The following ADAMTS17 variants were observed in gnomAD, a reference collection of about 807,000 sequenced individuals.
ADAMTS17 encodes the protein ADAM metallopeptidase with thrombospondin type 1 motif 17, also known as A disintegrin and metalloproteinase with thrombospondin motifs 17.
In ADAMTS17, 113 loss-of-function variants were observed where a neutral mutation model predicts 141.5. The observed-to-expected ratio is 0.80, with a 90% confidence interval of 0.69 to 0.93. The LOEUF is 0.93. ADAMTS17 is among the 40% of genes least tolerant of loss of function. The pLI, the probability that ADAMTS17 is intolerant of heterozygous loss-of-function variation, is 0.00. For missense variants in ADAMTS17, 1,659 were observed against 1,517.9 expected, an observed-to-expected ratio of 1.09 and a Z score of -1.54; for synonymous variants, 768 against 630.6, an observed-to-expected ratio of 1.22 and a Z score of -3.27.
chr15:100,089,178 T>C (rs2035293397), intron 15 of ADAMTS17, among the ~76,000 whole-genome samples: 1 of 150,646 alleles, frequency 6.6e-6, no homozygotes, highest in South Asian at 2.1e-4. Flanking sequence ...GGGCAAAGGA[T>C]ATGAACAGAC....
At chr15:100,327,706 A>T (rs1290922830) in intron 3 of ADAMTS17, among the ~76,000 whole-genome samples, 3 of 152,244 alleles carry the variant, frequency 2.0e-5, no homozygotes, top group Admixed American at 6.5e-5. Flanking sequence ...ACATTTCAAA[A>T]TATCCAAGGT....
At chr15:100,164,814 C>T (rs989746833) in intron 8 of ADAMTS17, among the ~76,000 whole-genome samples, 2 of 152,178 alleles carry the variant, frequency 1.3e-5, no homozygotes, top group African/African-American at 4.8e-5. Context: ...GGTAAGACTC[C>T]TGGAGTAAAG....
At chr15:100,088,123 T>G (rs1366952396) in intron 15 of ADAMTS17, among the ~76,000 whole-genome samples, 1 of 152,194 alleles carries the variant, frequency 6.6e-6, no homozygotes, top group African/African-American at 2.4e-5. Context: ...CTTGAGCTGA[T>G]AGGCAACTTC....
chr15:100,024,323 T>G (rs1048166414), intron 18 of ADAMTS17, among the ~76,000 whole-genome samples: 1 of 152,238 alleles, frequency 6.6e-6, no homozygotes, highest in Non-Finnish European at 1.5e-5. Context: ...CTCAAACTCC[T>G]GGCTTCAAGC....
chr15:100,340,943 A>C, intron 2 of ADAMTS17, 96 bp downstream of exon 2: 1 of 1,488,446 alleles, frequency 6.7e-7, no homozygotes, highest in Non-Finnish European at 9.0e-7. Flanking sequence ...TGGAGGCTGG[A>C]CTTCCAGCAG....
In ADAMTS17 at chr15:100,341,810, G is replaced by T; in HGVS notation, c.79+11C>A. 2 of 1,550,274 alleles carry T rather than the reference G, an allele frequency of 1.3e-6. No individual in the cohort carries two copies. On this transcript the variant is annotated intron_variant, in intron 1 of 21. Transcript: ENST00000268070. ...ACGCGGGGTGAAGAGGGCTGTGGGA[G>T]GGGGCGCTACCTGTGCCCGGGTCCA...
chr15:100,101,379 T>C lies in ADAMTS17; in HGVS notation c.2017-4903A>G, dbSNP rs568893080. On this transcript the variant is annotated intron_variant, in intron 14 of 21. Coordinates refer to ENST00000268070, the MANE Select transcript of ADAMTS17 (RefSeq NM_139057.4). ...GGATCCTCTTGGTCCTGCTCCCTAA[T>C]GAAAGCCCAGCACACAATACAGTGT... is the stretch of plus-strand genomic sequence containing the variant. Among the ~76,000 whole-genome samples the C allele has an allele frequency of 4.6e-5, 7 of 152,356 alleles. No homozygotes were observed. In the East Asian group the frequency reaches 1.3e-3, roughly 29 times the overall value.
chr15:100,269,925 G>C (rs907811612), intron 4 of ADAMTS17, among the ~76,000 whole-genome samples: 2 of 152,128 alleles, frequency 1.3e-5, no homozygotes, highest in African/African-American at 4.8e-5. Flanking sequence ...TCCAGCCCCT[G>C]TTGCTTGTAA....
At chr15:100,239,871 G>T (rs2042776286) in intron 7 of ADAMTS17, among the ~76,000 whole-genome samples, 2 of 152,168 alleles carry the variant, frequency 1.3e-5, no homozygotes, top group Non-Finnish European at 2.9e-5. Context: ...TCTGGGGAAA[G>T]ATGTGCGCCA....
intron 2 of ADAMTS17, chr15:100,339,036 G>A (rs2046288300): frequency 1.3e-5 from 13 of 985,398 alleles, no homozygotes; most frequent in Non-Finnish European, 1.6e-5. Context: ...CACACGAACG[G>A]GATGAACAAG....
intron 12 of ADAMTS17, among the ~76,000 whole-genome samples, chr15:100,125,774 C>T (rs1281536032): frequency 1.3e-5 from 2 of 152,128 alleles, no homozygotes; most frequent in Non-Finnish European, 2.9e-5. Context: ...GTCCCTAAGG[C>T]CTCCACGTCA....
At chr15:100,070,237 T>C (rs946937007) in intron 15 of ADAMTS17, among the ~76,000 whole-genome samples, 2 of 144,968 alleles carry the variant, frequency 1.4e-5, no homozygotes, top group Non-Finnish European at 3.0e-5. Flanking sequence ...CCCAGATTCA[T>C]AAAGCAAGTC....
At chr15:100,099,252 G>A (rs1226471445) in intron 14 of ADAMTS17, among the ~76,000 whole-genome samples, 2 of 152,222 alleles carry the variant, frequency 1.3e-5, no homozygotes, top group African/African-American at 2.4e-5. Context: ...TCTGGAGACA[G>A]GGAATGCAGG....
At chr15:100,056,459 G>A (rs2032578985) in intron 15 of ADAMTS17, among the ~76,000 whole-genome samples, 1 of 152,086 alleles carries the variant, frequency 6.6e-6, no homozygotes, top group East Asian at 1.9e-4. Flanking sequence ...GGTGGCGGGG[G>A]ATGGTTTTGG....
chr15:100,079,714 T>A (rs1245089170), intron 15 of ADAMTS17, among the ~76,000 whole-genome samples: 2 of 152,178 alleles, frequency 1.3e-5, no homozygotes, highest in African/African-American at 4.8e-5. Flanking sequence ...AGACACTTAC[T>A]CCGGATATGG....
At chr15:100,299,226 T>C (rs1365987761) in intron 3 of ADAMTS17, among the ~76,000 whole-genome samples, 1 of 152,048 alleles carries the variant, frequency 6.6e-6, no homozygotes, top group East Asian at 1.9e-4. Flanking sequence ...GATACTCAGA[T>C]ACTCATCTTC....
intron 4 of ADAMTS17, among the ~76,000 whole-genome samples, chr15:100,263,722 G>C (rs1336637063): frequency 6.6e-6 from 1 of 152,244 alleles, no homozygotes; most frequent in East Asian, 1.9e-4. Context: ...CAGATGGAAG[G>C]TTGGAGGGAA....
intron 2 of ADAMTS17, among the ~76,000 whole-genome samples, chr15:100,339,376 C>A (rs1008988812): frequency 6.6e-6 from 1 of 152,182 alleles, no homozygotes; most frequent in Non-Finnish European, 1.5e-5. Context: ...CTCACTAAAC[C>A]GCAGCAAATG....
intron 12 of ADAMTS17, among the ~76,000 whole-genome samples, chr15:100,120,525 G>A (rs1488973449): frequency 6.6e-6 from 1 of 152,164 alleles, no homozygotes; most frequent in Admixed American, 6.5e-5. Flanking sequence ...GGCTTCCAGG[G>A]GATTTCCCTC....
Sources: allele counts gnomAD v4.1 joint callset (sites outside exome capture counted in the v4.1 genomes callset), GRCh38; gene constraint gnomAD v4.1.1; transcripts MANE v1.5; gene names NCBI Gene and HGNC (gene_info 2026-07-23, HGNC 2026-07-21).